FLRT2: variants seen among roughly 807,000 people sequenced by gnomAD.
FLRT2 encodes leucine-rich repeat transmembrane protein FLRT2.
Under a neutral mutation model 40.0 loss-of-function variants are expected in FLRT2, and 15 were observed. The observed-to-expected ratio is 0.38, with a 90% confidence interval of 0.25 to 0.58. The LOEUF (loss-of-function observed/expected upper bound fraction) is 0.58. Ranked by LOEUF, FLRT2 falls within the 20% of genes least tolerant of loss-of-function variation. The probability of loss-of-function intolerance (pLI) is 0.71; values close to 1 mark genes in which losing one functional copy is unlikely to be tolerated. For synonymous variants in FLRT2, 380 were observed against 336.8 expected, an observed-to-expected ratio of 1.13 and a Z score of -1.41; for missense variants, 726 against 840.0, an observed-to-expected ratio of 0.86 and a Z score of 1.68.
intron 1 of FLRT2, among the ~76,000 whole-genome samples, chr14:85,590,186 C>T (rs1023557893): frequency 6.6e-6 from 1 of 152,044 alleles, no homozygotes; most frequent in Non-Finnish European, 1.5e-5. Context: ...GTAGCATCCC[C>T]AGTCAAGACT....
At chr14:85,584,662 C>G (rs1484363489) in intron 1 of FLRT2, among the ~76,000 whole-genome samples, 1 of 152,188 alleles carries the variant, frequency 6.6e-6, no homozygotes, top group Non-Finnish European at 1.5e-5. Context: ...AGAATCGCTT[C>G]CTGTGCAGTT....
rs1041374034 is a variant in FLRT2 at position 85,596,922 on chromosome 14, C to T, written c.-376-24217C>T. 2.0e-4 allele frequency among the ~76,000 whole-genome samples: 30 copies of T among 152,260 alleles called. 1 individual carries two copies. The highest frequency in any genetic ancestry group is 6.3e-4 in the African/African-American group (26 of 41,556). On this transcript the variant is annotated intron_variant, in intron 1 of 1. Transcript: ENST00000330753. ...TTTAAAAATGATAGAGTTTTCTGAG[C>T]GTCAAAGTCAAGGTGAAAGCTGGGT...
intron 1 of FLRT2, among the ~76,000 whole-genome samples, chr14:85,601,723 A>C (rs1892385264): frequency 6.6e-6 from 1 of 152,250 alleles, no homozygotes; most frequent in Non-Finnish European, 1.5e-5. Flanking sequence ...TGTGAGGATC[A>C]AACAAGATGC....
intron 1 of FLRT2, among the ~76,000 whole-genome samples, chr14:85,586,163 T>G (rs1362145690): frequency 6.7e-6 from 1 of 149,274 alleles, no homozygotes; most frequent in African/African-American, 2.4e-5. Context: ...ATATTACATA[T>G]TAATATAAAT....
rs1013311421 is a variant in FLRT2 at position 85,645,989 on chromosome 14, A to G, written c.*22492A>G. The G allele has an allele frequency of 6.6e-6, 1 of 152,144 alleles. No homozygotes were observed. The highest frequency in any genetic ancestry group is 2.4e-5 in the African/African-American group (1 of 41,400). 9.4% of individuals were successfully genotyped at this position (152,144 alleles called of 1,614,324 possible). A position where few individuals can be genotyped will look rare whatever the true frequency, so the allele number is the denominator to read the frequency against. Reference sequence around the variant, plus strand: ...AAAGGACAACTATCCATATTGAAATAGACAATTACTCTGTATATAGATTTG... The same window carrying G: ...AAAGGACAACTATCCATATTGAAATGGACAATTACTCTGTATATAGATTTG... On this transcript the variant is annotated 3_prime_UTR_variant, in exon 2 of 2. Coordinates refer to ENST00000330753, the MANE Select transcript of FLRT2 (RefSeq NM_013231.6).
intron 1 of FLRT2, among the ~76,000 whole-genome samples, chr14:85,608,384 C>A (rs1226150786): frequency 6.6e-6 from 1 of 152,012 alleles, no homozygotes. Flanking sequence ...AGCGAGCCTG[C>A]CACCATGCCT....
At position 85,623,525 on chromosome 14, in the gene FLRT2, G is replaced by A. The variant is rs767421722; in HGVS notation, c.*28G>A. On this transcript the variant is annotated 3_prime_UTR_variant, in exon 2 of 2. Transcript: ENST00000330753. ...GCCAGAGGCCCAGCGTTATCAAGGC[G>A]GACAATTAGACTCTTGAGAACACAC... The A allele has an allele frequency of 2.1e-6, 3 of 1,410,520 alleles. No individual in the cohort carries two copies. The highest frequency in any genetic ancestry group is 4.2e-5 in the South Asian group (2 of 48,094). The allele number at this position is 1,410,520 out of a possible 1,614,324, so 87.4% of individuals were successfully genotyped here. A position where few individuals can be genotyped will look rare whatever the true frequency, so the allele number is the denominator to read the frequency against.
intron 1 of FLRT2, among the ~76,000 whole-genome samples, chr14:85,567,474 C>A (rs1890677386): frequency 1.3e-5 from 2 of 152,066 alleles, no homozygotes. Flanking sequence ...CTTAGCTCTG[C>A]CACTTCTTCA....
In FLRT2 at chr14:85,626,418, A is replaced by G. The variant is rs1309358134; in HGVS notation, c.*2921A>G. 1 of 167,116 alleles carries G rather than the reference A, an allele frequency of 6.0e-6. No homozygotes were observed. Among genetic ancestry groups the G allele is most frequent in the Admixed American group, 6.5e-5 (1 of 15,288 alleles). 10.4% of individuals were successfully genotyped at this position (167,116 alleles called of 1,614,324 possible). ...TGCTCACTGGCCAATAAAGAGCTTGATGCTGCCTGGCCAAATGAGGTGACT... is the reference window on the plus strand; with the variant it reads ...TGCTCACTGGCCAATAAAGAGCTTGGTGCTGCCTGGCCAAATGAGGTGACT... On this transcript the variant is annotated 3_prime_UTR_variant, in exon 2 of 2. Coordinates refer to ENST00000330753, the MANE Select transcript of FLRT2 (RefSeq NM_013231.6).
chr14:85,559,790 C>T (rs1221107519), intron 1 of FLRT2, among the ~76,000 whole-genome samples: 1 of 152,120 alleles, frequency 6.6e-6, no homozygotes, highest in East Asian at 1.9e-4. Flanking sequence ...CTGTGCTGCC[C>T]ATTACCTCCG....
At chr14:85,598,462 T>G (rs1892235209) in intron 1 of FLRT2, among the ~76,000 whole-genome samples, 1 of 152,206 alleles carries the variant, frequency 6.6e-6, no homozygotes, top group African/African-American at 2.4e-5. Flanking sequence ...TGGGGTGCAG[T>G]GCACAAGTGA....
At chr14:85,595,153 T>C (rs1302746657) in intron 1 of FLRT2, among the ~76,000 whole-genome samples, 1 of 152,054 alleles carries the variant, frequency 6.6e-6, no homozygotes, top group Non-Finnish European at 1.5e-5. Context: ...TGGTGCTACT[T>C]TTATTCAAAG....
rs1180039454 is a variant in FLRT2 at position 85,637,746 on chromosome 14, A to G, written c.*14249A>G. ...CTCATCTATCACTTGTCTTAAAGGA[A>G]GATTTGAAACATAATAGTTTCCTTT... is the stretch of plus-strand genomic sequence containing the variant. On this transcript the variant is annotated 3_prime_UTR_variant, in exon 2 of 2. Coordinates refer to ENST00000330753, the MANE Select transcript of FLRT2 (RefSeq NM_013231.6). 1 of 152,228 alleles carries G rather than the reference A, an allele frequency of 6.6e-6. No individual in the cohort carries two copies. The highest frequency in any genetic ancestry group is 1.9e-4 in the East Asian group (1 of 5,198). 9.4% of individuals were successfully genotyped at this position (152,228 alleles called of 1,614,324 possible). A position where few individuals can be genotyped will look rare whatever the true frequency, so the allele number is the denominator to read the frequency against.
chr14:85,572,606 C>G (rs1262691335), intron 1 of FLRT2, among the ~76,000 whole-genome samples: 2 of 152,118 alleles, frequency 1.3e-5, no homozygotes, highest in Non-Finnish European at 1.5e-5. Flanking sequence ...TTTTATAGCT[C>G]ATTTTTCCTG....
intron 1 of FLRT2, among the ~76,000 whole-genome samples, chr14:85,592,749 A>G (rs1891949569): frequency 7.0e-6 from 1 of 141,902 alleles, no homozygotes; most frequent in South Asian, 2.3e-4. Flanking sequence ...AGATCGTCCC[A>G]TTGCACTCCA....
At chr14:85,595,938 T>C (rs1291550673) in intron 1 of FLRT2, among the ~76,000 whole-genome samples, 1 of 152,158 alleles carries the variant, frequency 6.6e-6, no homozygotes, top group Non-Finnish European at 1.5e-5. Flanking sequence ...TGTTTCTTTG[T>C]CTGTTGGTTG....
At position 85,622,349 on chromosome 14, in the gene FLRT2, G is replaced by C; in HGVS notation, c.835G>C (p.Glu279Gln). The C allele has an allele frequency of 6.2e-7, 1 of 1,614,108 alleles. No homozygotes were observed. The highest frequency in any genetic ancestry group is 8.5e-7 in the Non-Finnish European group (1 of 1,180,022). Residue 279 changes from glutamate to glutamine, a missense_variant, in exon 2 of 2, where the codon GAA becomes CAA. Physicochemically the swap from Glu to Gln is conservative, Grantham distance 29 (BLOSUM62 2). Transcript: ENST00000330753. Reference sequence around the variant, plus strand: ...AGCCTTCTCAAATCTGCGTAAGCTGGAACGGCTGGATATATCCAACAACCA... The same window carrying C: ...AGCCTTCTCAAATCTGCGTAAGCTGCAACGGCTGGATATATCCAACAACCA... ...LTAFSNLRKL[E>Q]RLDISNNQLR... is the part of the protein sequence containing the mutation.
chr14:85,591,981 CAT>C (rs765340467), intron 1 of FLRT2, among the ~76,000 whole-genome samples: 6 of 152,060 alleles, frequency 3.9e-5, no homozygotes, highest in Non-Finnish European at 7.4e-5. Context: ...GTTTTAAACA[CAT>C]AAACAGTCAA....
chr14:85,631,112 T>TATATATATATATATATATATA lies in FLRT2; in HGVS notation c.*7615_*7616insATATATATATATATATATATA, dbSNP rs1893858889. On this transcript the variant is annotated 3_prime_UTR_variant, in exon 2 of 2. Transcript: ENST00000330753. ...TATAATTACATATATAATCTAGATT[T>TATATATATATATATATATATA]TATATATATATATATATGAAATGAG... The TATATATATATATATATATATA allele has an allele frequency of 2.1e-4, 19 of 91,860 alleles. No individual in the cohort carries two copies. Among genetic ancestry groups the TATATATATATATATATATATA allele is most frequent in the Admixed American group, 9.4e-4 (7 of 7,466 alleles). 5.7% of individuals were successfully genotyped at this position (91,860 alleles called of 1,614,324 possible).
Sources: gnomAD v4.1 joint callset for allele counts (sites outside exome capture counted in the v4.1 genomes callset) on GRCh38, gnomAD v4.1.1 for gene constraint, MANE v1.5 for transcripts, NCBI Gene and HGNC (gene_info 2026-07-23, HGNC 2026-07-21) for gene names.